Variants in AOPEP observed in about 807,000 individuals in gnomAD.
The protein encoded by AOPEP is aminopeptidase O (putative), also known as aminopeptidase O.
AOPEP carries 77 observed loss-of-function variants against 98.1 expected under a neutral mutation model. The observed-to-expected ratio is 0.78, with a 90% CI of 0.65 to 0.95. AOPEP has a LOEUF of 0.95. Among genes scored for constraint, AOPEP ranks in the 40% least tolerant of loss-of-function variants. The pLI is 0.00. For synonymous variants in AOPEP, 346 were observed against 365.3 expected (o/e 0.95, Z 0.60); for missense variants, 1,024 against 1,024.7 (o/e 1.00, Z 0.01).
intron 5 of AOPEP, among the ~76,000 whole-genome samples, chr9:94,880,082 T>A (rs1014234821): frequency 2.0e-5 from 3 of 152,236 alleles, no homozygotes; most frequent in African/African-American, 7.2e-5. Flanking sequence ...GGATCAGTCT[T>A]ATGGAGTTCA....
the AOPEP span, among the ~76,000 whole-genome samples, chr9:95,094,802 A>G: frequency 5.9e-5 from 9 of 152,218 alleles, no homozygotes; most frequent in Non-Finnish European, 2.9e-5. Flanking sequence ...AGTAGCTGGG[A>G]TTACAGGTGT....
At chr9:95,085,871 G>A in intron 16 of AOPEP, 4 of 1,188,538 alleles carry the variant, frequency 3.4e-6, no homozygotes, top group Non-Finnish European at 4.3e-6. Context: ...GGGCGGGGCG[G>A]GGCTTTCGGA....
intron 2 of AOPEP, among the ~76,000 whole-genome samples, chr9:94,767,256 G>A (rs1231795491): frequency 6.6e-6 from 1 of 152,150 alleles, no homozygotes; most frequent in African/African-American, 2.4e-5. Context: ...GCTTGGAAGG[G>A]TCGTGTTTTA....
the AOPEP span, chr9:95,135,605 T>C: frequency 3.2e-6 from 3 of 942,482 alleles, no homozygotes; most frequent in Non-Finnish European, 5.0e-6. Flanking sequence ...TTGTGAGACT[T>C]CTCATCATGG....
chr9:95,041,578 C>T (rs7857679), intron 13 of AOPEP, among the ~76,000 whole-genome samples: 119,091 of 151,808 alleles, frequency 0.78, 48,233 homozygotes, highest in Non-Finnish European at 0.89. Flanking sequence ...ATGAAGACTT[C>T]AGCCTTTAGG....
At chr9:94,909,597 C>T (rs2051706005) in intron 5 of AOPEP, among the ~76,000 whole-genome samples, 1 of 152,108 alleles carries the variant, frequency 6.6e-6, no homozygotes, top group Non-Finnish European at 1.5e-5. Context: ...GCCAAGTATT[C>T]CCAGAGAGAA....
At chr9:94,890,024 G>A (rs2048694552) in intron 5 of AOPEP, among the ~76,000 whole-genome samples, 1 of 147,158 alleles carries the variant, frequency 6.8e-6, no homozygotes, top group Non-Finnish European at 1.5e-5. Flanking sequence ...TGTATTACTT[G>A]ATTTTTTTTT....
At chr9:94,928,124 A>G (rs2054647626) in intron 6 of AOPEP, among the ~76,000 whole-genome samples, 1 of 152,190 alleles carries the variant, frequency 6.6e-6, no homozygotes, top group Non-Finnish European at 1.5e-5. Context: ...AATGGTCCCA[A>G]GGGAAGCCCA....
intron 7 of AOPEP, among the ~76,000 whole-genome samples, chr9:94,945,998 T>G (rs1251639343): frequency 2.0e-5 from 3 of 152,182 alleles, no homozygotes; most frequent in African/African-American, 7.2e-5. Flanking sequence ...ACCCAGCTTA[T>G]GAGGAGACCT....
chr9:94,799,024 T>G (rs1847646696), intron 4 of AOPEP, among the ~76,000 whole-genome samples: 1 of 152,240 alleles, frequency 6.6e-6, no homozygotes, highest in Non-Finnish European at 1.5e-5. Context: ...CCATCCATTT[T>G]CTTACTCTCC....
At chr9:94,843,737 C>T (rs1274596126) in intron 5 of AOPEP, among the ~76,000 whole-genome samples, 1 of 152,180 alleles carries the variant, frequency 6.6e-6, no homozygotes, top group East Asian at 1.9e-4. Context: ...CTCTTGAATA[C>T]CCCATTACTA....
intron 5 of AOPEP, among the ~76,000 whole-genome samples, chr9:94,836,914 A>G (rs756468670): frequency 3.9e-5 from 6 of 152,060 alleles, no homozygotes; most frequent in Non-Finnish European, 7.4e-5. Flanking sequence ...TTTTTTGCCT[A>G]TGCTTGTCTA....
At chr9:94,975,220 A>C (rs1007600732) in intron 10 of AOPEP, among the ~76,000 whole-genome samples, 2 of 151,980 alleles carry the variant, frequency 1.3e-5, no homozygotes, top group Non-Finnish European at 2.9e-5. Flanking sequence ...CTGAGTGACA[A>C]AGTGGGACTC....
chr9:95,040,917 T>TTTCA (rs2065229286), intron 13 of AOPEP, among the ~76,000 whole-genome samples: 1 of 14,476 alleles, frequency 6.9e-5, no homozygotes, highest in South Asian at 2.6e-3. Flanking sequence ...CGGTAAACAG[T>TTTCA]CTCCCTTCCT....
At chr9:94,844,305 C>T (rs1206802599) in intron 5 of AOPEP, among the ~76,000 whole-genome samples, 1 of 152,008 alleles carries the variant, frequency 6.6e-6, no homozygotes, top group African/African-American at 2.4e-5. Context: ...TTGAGAAGCC[C>T]CCCATACCCT....
At chr9:94,839,319 A>C (rs1410049686) in intron 5 of AOPEP, among the ~76,000 whole-genome samples, 2 of 151,942 alleles carry the variant, frequency 1.3e-5, no homozygotes, top group Admixed American at 1.3e-4. Context: ...CGATCTCCTG[A>C]CCATGTGATC....
intron 1 of AOPEP, among the ~76,000 whole-genome samples, chr9:94,753,097 C>T (rs1214831601): frequency 6.6e-6 from 1 of 152,154 alleles, no homozygotes; most frequent in African/African-American, 2.4e-5. Context: ...TAGACAGATT[C>T]ATAAGATGTA....
At chr9:94,988,913 T>TC (rs2060687895) in intron 11 of AOPEP, among the ~76,000 whole-genome samples, 1 of 120,530 alleles carries the variant, frequency 8.3e-6, no homozygotes, top group African/African-American at 4.3e-5. Flanking sequence ...TTTTCCTTTC[T>TC]TTTTTTTTTT....
intron 4 of AOPEP, among the ~76,000 whole-genome samples, chr9:94,794,727 T>G (rs1846516931): frequency 6.6e-6 from 1 of 152,194 alleles, no homozygotes; most frequent in African/African-American, 2.4e-5. Flanking sequence ...AGTGACATAT[T>G]CTAGTTTCAT....
Sources: gnomAD v4.1 joint callset for allele counts (sites outside exome capture counted in the v4.1 genomes callset) on GRCh38, gnomAD v4.1.1 for gene constraint, MANE v1.5 for transcripts, NCBI Gene and HGNC (gene_info 2026-07-23, HGNC 2026-07-21) for gene names.